TRERF1: variants seen among roughly 807,000 people sequenced by gnomAD.
TRERF1 encodes the protein transcriptional regulating factor 1, also known as transcriptional-regulating factor 1.
TRERF1 carries 27 observed loss-of-function variants against 122.9 expected under a neutral mutation model. That is an observed-to-expected ratio of 0.22 (90% CI 0.16 to 0.30). TRERF1 has a LOEUF of 0.30. TRERF1 is among the 10% of genes least tolerant of loss of function. The pLI is 1.00. For missense variants in TRERF1, 1,248 were observed against 1,560.3 expected, an observed-to-expected ratio of 0.80 and a Z score of 3.37; for synonymous variants, 636 against 641.7, an observed-to-expected ratio of 0.99 and a Z score of 0.13.
At chr6:42,315,034 G>A (rs774164311) in intron 3 of TRERF1, among the ~76,000 whole-genome samples, 9 of 152,180 alleles carry the variant, frequency 5.9e-5, no homozygotes, top group Non-Finnish European at 1.2e-4. Context: ...CACAGCAGTG[G>A]TGACAGCGAG....
intron 4 of TRERF1, among the ~76,000 whole-genome samples, chr6:42,282,133 T>A (rs1054069240): frequency 6.6e-6 from 1 of 152,162 alleles, no homozygotes; most frequent in Non-Finnish European, 1.5e-5. Flanking sequence ...TAGACAAGTG[T>A]GTATGCTGCA....
intron 13 of TRERF1, among the ~76,000 whole-genome samples, chr6:42,254,319 C>T (rs1328844675): frequency 1.3e-5 from 2 of 152,184 alleles, no homozygotes; most frequent in African/African-American, 2.4e-5. Flanking sequence ...GTCCCTAATA[C>T]ACAGTAAGTG....
At chr6:42,445,693 T>C (rs190904356) in intron 2 of TRERF1, among the ~76,000 whole-genome samples, 1 of 152,128 alleles carries the variant, frequency 6.6e-6, no homozygotes, top group African/African-American at 2.4e-5. Context: ...ACCTCGGAGT[T>C]CTAGATGCTT....
chr6:42,332,528 G>A lies in TRERF1; in HGVS notation c.-371+30469C>T, dbSNP rs111937537. ...GCAGCCTCCCATGGCTGGGGCTGGA[G>A]AGCAGCTTCCTTGGGCAGCAGTCTC... On this transcript the variant is annotated intron_variant, in intron 3 of 17. Coordinates refer to ENST00000372922, the Ensembl canonical transcript of TRERF1. Among the ~76,000 whole-genome samples, 17 of 152,194 alleles carry A rather than the reference G, an allele frequency of 1.1e-4. No individual in the cohort carries two copies. In the East Asian group the frequency reaches 3.1e-3, roughly 28 times the overall value.
chr6:42,327,238 T>C (rs2150527604), intron 3 of TRERF1, among the ~76,000 whole-genome samples: 1 of 152,350 alleles, frequency 6.6e-6, no homozygotes. Flanking sequence ...ACATCCTGCA[T>C]CTGTGCCCCA....
intron 4 of TRERF1, among the ~76,000 whole-genome samples, chr6:42,289,339 C>CAA (rs1783874467): frequency 7.7e-6 from 1 of 130,322 alleles, no homozygotes; most frequent in African/African-American, 3.2e-5. Flanking sequence ...TCAAAAAAAA[C>CAA]AAACAAACAA....
chr6:42,230,602 C>G (rs960389939), intron 17 of TRERF1, among the ~76,000 whole-genome samples: 19 of 152,102 alleles, frequency 1.2e-4, no homozygotes, highest in African/African-American at 3.6e-4. Flanking sequence ...GAGGGTGGTT[C>G]CATCATTATT....
In TRERF1 at chr6:42,268,691, T is replaced by C. The variant is rs62640383; in HGVS notation, c.900A>G (p.Pro300=). 3.2e-3 allele frequency: 5,089 copies of C among 1,614,124 alleles called. 146 individuals carry two copies. The African/African-American group carries it at 0.058, about 19-fold the overall frequency. ...GCTGCTGCTGCTGTGGCGGCGGCTGTGGCTGTGATGGGCGAATTTGTTGCG... is the reference window on the plus strand; with the variant it reads ...GCTGCTGCTGCTGTGGCGGCGGCTGCGGCTGTGATGGGCGAATTTGTTGCG... The change falls in exon 5 of 18, where the codon CCA becomes CCG. Residue 300 remains proline (P), a synonymous_variant. Coordinates refer to ENST00000372922, the Ensembl canonical transcript of TRERF1. The surrounding 1 kb of genome is among the most constrained non-coding windows in gnomAD (Gnocchi z 4.4).
intron 4 of TRERF1, among the ~76,000 whole-genome samples, chr6:42,289,171 A>G (rs1398582593): frequency 6.6e-6 from 1 of 151,868 alleles, no homozygotes; most frequent in Non-Finnish European, 1.5e-5. Context: ...TAAAAATACA[A>G]AAAAATGAGC....
chr6:42,447,013 A>C (rs1787642210), intron 2 of TRERF1, among the ~76,000 whole-genome samples: 1 of 152,020 alleles, frequency 6.6e-6, no homozygotes, highest in South Asian at 2.1e-4. Flanking sequence ...TCAAAGAAAC[A>C]AACAAACAAA....
At chr6:42,254,159 T>C (rs1776310102) in intron 13 of TRERF1, among the ~76,000 whole-genome samples, 1 of 152,218 alleles carries the variant, frequency 6.6e-6, no homozygotes. Context: ...TTGTCATTAA[T>C]TCACATACAA....
intron 2 of TRERF1, among the ~76,000 whole-genome samples, chr6:42,367,850 G>A (rs138847466): frequency 5.8e-4 from 89 of 152,186 alleles, no homozygotes; most frequent in Non-Finnish European, 1.1e-3. Flanking sequence ...GTGACACACA[G>A]AGGTCCCGCA....
intron 13 of TRERF1, among the ~76,000 whole-genome samples, chr6:42,246,853 A>G (rs915471204): frequency 6.6e-6 from 1 of 152,242 alleles, no homozygotes; most frequent in East Asian, 1.9e-4. Context: ...GATAATGCAC[A>G]AAAAGTGTCC....
intron 14 of TRERF1, among the ~76,000 whole-genome samples, chr6:42,244,407 CT>C (rs774219489): frequency 8.5e-5 from 13 of 152,162 alleles, no homozygotes; most frequent in African/African-American, 1.4e-4. Context: ...TGGTCTCGAA[CT>C]CCCGACCTCA....
intron 15 of TRERF1, among the ~76,000 whole-genome samples, chr6:42,237,893 G>A (rs1231258116): frequency 1.3e-5 from 2 of 152,206 alleles, no homozygotes; most frequent in Non-Finnish European, 2.9e-5. Flanking sequence ...TTGCGATGCA[G>A]TATGAACAGG....
chr6:42,420,124 C>T (rs1158070052), intron 2 of TRERF1, among the ~76,000 whole-genome samples: 1 of 152,236 alleles, frequency 6.6e-6, no homozygotes, highest in Non-Finnish European at 1.5e-5. Flanking sequence ...TTCTCCTGTT[C>T]TGCTATCCAT....
At chr6:42,301,373 G>A (rs1483421489) in intron 3 of TRERF1, among the ~76,000 whole-genome samples, 1 of 152,056 alleles carries the variant, frequency 6.6e-6, no homozygotes, top group Non-Finnish European at 1.5e-5. Context: ...GGGATTATAG[G>A]TGCCCACCAC....
intron 2 of TRERF1, among the ~76,000 whole-genome samples, chr6:42,422,767 C>A (rs1384234999): frequency 2.0e-5 from 3 of 152,090 alleles, no homozygotes. Flanking sequence ...TGGCCATGAT[C>A]ATCTAGCAGC....
intron 2 of TRERF1, among the ~76,000 whole-genome samples, chr6:42,435,811 CAA>C (rs59595247): frequency 1.4e-5 from 2 of 142,282 alleles, no homozygotes; most frequent in Non-Finnish European, 3.1e-5. Flanking sequence ...CCGTCTTTAC[CAA>C]AAAAAAAAAT....
Sources: allele counts gnomAD v4.1 joint callset (sites outside exome capture counted in the v4.1 genomes callset), GRCh38; gene constraint gnomAD v4.1.1; non-coding constraint Gnocchi (gnomAD v3.1); transcripts MANE v1.5; gene names NCBI Gene and HGNC (gene_info 2026-07-23, HGNC 2026-07-21).